The following TRPC6 variants were observed in gnomAD, a reference collection of about 807,000 sequenced individuals.
TRPC6 encodes the protein short transient receptor potential channel 6.
In TRPC6, 55 loss-of-function variants were observed where a neutral mutation model predicts 90.7. The ratio of observed to expected loss-of-function variants is 0.61; its 90% CI spans 0.49 to 0.76. The LOEUF (loss-of-function observed/expected upper bound fraction) is 0.76. TRPC6 is among the 30% of genes least tolerant of loss of function. TRPC6 has a pLI of 0.00. For missense variants in TRPC6, 989 were observed against 1,122.7 expected, an observed-to-expected ratio of 0.88 and a Z score of 1.70; for synonymous variants, 393 against 393.0, an observed-to-expected ratio of 1.00 and a Z score of 0.00.
intron 10 of TRPC6, among the ~76,000 whole-genome samples, chr11:101,465,191 C>T (rs1859113103): frequency 6.6e-6 from 1 of 152,130 alleles, no homozygotes; most frequent in Non-Finnish European, 1.5e-5. Context: ...TTGTGGGTAA[C>T]CCAATCTTTC....
intron 9 of TRPC6, among the ~76,000 whole-genome samples, chr11:101,470,810 C>CG (rs1193077506): frequency 1.1e-5 from 1 of 90,542 alleles, no homozygotes; most frequent in African/African-American, 3.3e-5. Context: ...TTGCCCCGCC[C>CG]CCCCCCCCTC....
intron 1 of TRPC6, among the ~76,000 whole-genome samples, chr11:101,535,034 C>T (rs940332749): frequency 3.3e-5 from 5 of 152,046 alleles, no homozygotes; most frequent in Non-Finnish European, 7.4e-5. Context: ...GGCATGGTAG[C>T]GCATGCCTCT....
chr11:101,569,414 T>C (rs1359415129), intron 1 of TRPC6, among the ~76,000 whole-genome samples: 1 of 152,162 alleles, frequency 6.6e-6, no homozygotes, highest in African/African-American at 2.4e-5. Flanking sequence ...TACACAATGA[T>C]AGTGGGAGAC....
Position 101,569,963 on chromosome 11 carries a change from G to T in TRPC6, c.170+13371C>A, listed in dbSNP as rs61784839. ...CCGAACATCATAATTAAAAGAACTA[G>T]AGAAACAAGAGCAAACAAACTCAAT... On this transcript the variant is annotated intron_variant, in intron 1 of 12. Transcript: ENST00000344327. Among the ~76,000 whole-genome samples the T allele has an allele frequency of 9.7e-3, 1,390 of 142,750 alleles. 15 individuals carry two copies. Among genetic ancestry groups the T allele is most frequent in the Non-Finnish European group, 0.016 (1,035 of 63,448 alleles). 93.6% of individuals were successfully genotyped at this position (142,750 alleles called of 152,430 possible).
chr11:101,461,183 T>C (rs1208389186), intron 10 of TRPC6, among the ~76,000 whole-genome samples: 1 of 152,210 alleles, frequency 6.6e-6, no homozygotes, highest in Admixed American at 6.5e-5. Flanking sequence ...TTAAATCATT[T>C]CACCTTACTC....
intron 2 of TRPC6, among the ~76,000 whole-genome samples, chr11:101,495,622 ATTATTAT>A (rs1459139281): frequency 1.4e-5 from 2 of 146,842 alleles, no homozygotes; most frequent in Non-Finnish European, 3.0e-5. Flanking sequence ...TATTATTATT[ATTATTAT>A]TATTATCATT....
At chr11:101,461,162 G>C (rs898426062) in intron 10 of TRPC6, among the ~76,000 whole-genome samples, 13 of 152,266 alleles carry the variant, frequency 8.5e-5, no homozygotes, top group African/African-American at 2.4e-4. Context: ...ACTAGGGAAG[G>C]CTTTGAGAAA....
Position 101,485,211 on chromosome 11 carries a change from G to A in TRPC6, c.1294-2046C>T, listed in dbSNP as rs138613125. On this transcript the variant is annotated intron_variant, in intron 4 of 12. Coordinates refer to ENST00000344327, the MANE Select transcript of TRPC6 (RefSeq NM_004621.6). ...TGCAGAGCCAATCCAAAGTTAGTTT[G>A]TAAAAGTTTGCTGTAAAAATATGCT... Among the ~76,000 whole-genome samples, 591 of 151,248 alleles carry A rather than the reference G, an allele frequency of 3.9e-3. 2 individuals are homozygous for A. Among genetic ancestry groups the A allele is most frequent in the African/African-American group, 0.014 (568 of 41,238 alleles).
chr11:101,493,022 A>G (rs931893367), intron 2 of TRPC6, among the ~76,000 whole-genome samples: 16 of 152,328 alleles, frequency 1.1e-4, no homozygotes, highest in African/African-American at 3.8e-4. Flanking sequence ...CATTCAGATT[A>G]CCGTAAACTC....
intron 1 of TRPC6, among the ~76,000 whole-genome samples, chr11:101,569,554 A>G (rs556567552): frequency 8.5e-5 from 13 of 152,316 alleles, no homozygotes; most frequent in African/African-American, 2.9e-4. Context: ...CCCCAAATCA[A>G]CAGAATATAC....
At chr11:101,490,334 T>A (rs899077193) in intron 3 of TRPC6, among the ~76,000 whole-genome samples, 1 of 152,244 alleles carries the variant, frequency 6.6e-6, no homozygotes, top group Non-Finnish European at 1.5e-5. Context: ...CAATGGTTCA[T>A]TATTCTCCAT....
chr11:101,565,108 A>G (rs1311819581), intron 1 of TRPC6, among the ~76,000 whole-genome samples: 1 of 152,146 alleles, frequency 6.6e-6, no homozygotes, highest in South Asian at 2.1e-4. Context: ...TTTCCCTAGA[A>G]GAACACATAG....
chr11:101,514,356 G>A (rs1017248763), intron 1 of TRPC6, among the ~76,000 whole-genome samples: 2 of 152,200 alleles, frequency 1.3e-5, no homozygotes, highest in Non-Finnish European at 1.5e-5. Flanking sequence ...TAAATGATTA[G>A]CGAACAGTTT....
At position 101,451,632 on chromosome 11, in the gene TRPC6, C is replaced by A. The variant is rs1858766377; in HGVS notation, c.*1323G>T. On this transcript the variant is annotated 3_prime_UTR_variant, in exon 13 of 13. Coordinates refer to ENST00000344327, the MANE Select transcript of TRPC6 (RefSeq NM_004621.6). ...TAAGTAGTATCCACAAATACAAAAT[C>A]ACTGAATATAAATTTTCAGCTGTAT... is the stretch of plus-strand genomic sequence containing the variant. 1 of 152,154 alleles carries A rather than the reference C, an allele frequency of 6.6e-6. No individual in the cohort carries two copies. Among genetic ancestry groups the A allele is most frequent in the Non-Finnish European group, 1.5e-5 (1 of 68,018 alleles). 9.4% of individuals were successfully genotyped at this position (152,154 alleles called of 1,614,324 possible).
At chr11:101,546,465 T>A (rs527818443) in intron 1 of TRPC6, among the ~76,000 whole-genome samples, 1 of 152,244 alleles carries the variant, frequency 6.6e-6, no homozygotes, top group African/African-American at 2.4e-5. Flanking sequence ...AACAAGTTAG[T>A]GAATAAATAC....
At chr11:101,514,154 C>T (rs1860462657) in intron 1 of TRPC6, among the ~76,000 whole-genome samples, 1 of 152,126 alleles carries the variant, frequency 6.6e-6, no homozygotes, top group African/African-American at 2.4e-5. Context: ...CCACCGGGAT[C>T]GTAACAGTTC....
At position 101,543,704 on chromosome 11, in the gene TRPC6, C is replaced by A. The variant is rs531249899; in HGVS notation, c.171-38906G>T. On this transcript the variant is annotated intron_variant, in intron 1 of 12. Transcript: ENST00000344327. ...ATATGCAGAAAGCTGAAACTGGATC[C>A]CTTCCTTACACCTTACAGAAAAATT... Among the ~76,000 whole-genome samples, 103 of 152,196 alleles carry A rather than the reference C, an allele frequency of 6.8e-4. 1 individual carries two copies. Among genetic ancestry groups the A allele is most frequent in the African/African-American group, 2.4e-3 (101 of 41,536 alleles).
At chr11:101,480,912 A>G (rs1190093085) in intron 5 of TRPC6, among the ~76,000 whole-genome samples, 1 of 152,232 alleles carries the variant, frequency 6.6e-6, no homozygotes, top group Non-Finnish European at 1.5e-5. Context: ...CATCAATTAA[A>G]TTAGAAAAGA....
At chr11:101,543,818 G>T (rs1180783942) in intron 1 of TRPC6, among the ~76,000 whole-genome samples, 1 of 152,108 alleles carries the variant, frequency 6.6e-6, no homozygotes. Context: ...TAGGACATAG[G>T]CATGGGCAAA....
Sources: gnomAD v4.1 joint callset for allele counts (sites outside exome capture counted in the v4.1 genomes callset) on GRCh38, gnomAD v4.1.1 for gene constraint, MANE v1.5 for transcripts, NCBI Gene and HGNC (gene_info 2026-07-23, HGNC 2026-07-21) for gene names.